Variants in NREP observed in about 807,000 individuals in gnomAD.
NREP encodes the protein neuronal regeneration related protein.
A neutral mutation model predicts 8.6 loss-of-function variants in NREP; 5 were observed. The observed-to-expected ratio is 0.58, with a 90% CI of 0.30 to 1.22. The LOEUF is 1.22. NREP is among the 50% of genes most tolerant of loss of function. The pLI is 0.07. For missense variants in NREP, 86 were observed against 82.5 expected, an observed-to-expected ratio of 1.04 and a Z score of -0.17; for synonymous variants, 27 against 28.0, an observed-to-expected ratio of 0.96 and a Z score of 0.11.
chr5:111,871,704 C>G (rs1282289412), intron 2 of NREP, among the ~76,000 whole-genome samples: 2 of 151,628 alleles, frequency 1.3e-5, no homozygotes, highest in East Asian at 3.9e-4. Context: ...AGCTAAGACA[C>G]AAACCATCTA....
chr5:111,823,920 A>C (rs1402068775), intron 2 of NREP, among the ~76,000 whole-genome samples: 2 of 152,218 alleles, frequency 1.3e-5, no homozygotes, highest in Non-Finnish European at 2.9e-5. Flanking sequence ...GTATTTTACA[A>C]GTTTAGTTTT....
At chr5:111,786,213 C>T (rs1164490973) in intron 2 of NREP, among the ~76,000 whole-genome samples, 1 of 152,328 alleles carries the variant, frequency 6.6e-6, no homozygotes, top group African/African-American at 2.4e-5. Context: ...GCTCTTCCCA[C>T]TTTGTGCCTC....
In NREP at chr5:111,829,625, G is replaced by A. The variant is rs77255322; in HGVS notation, c.136-94118C>T. ...TCCATCAAATTTCTTTCTCTTTCTTGCCTCACAATGGATGCACTCAGAGAT... is the reference window on the plus strand; with the variant it reads ...TCCATCAAATTTCTTTCTCTTTCTTACCTCACAATGGATGCACTCAGAGAT... On this transcript the variant is annotated intron_variant, in intron 2 of 3. Coordinates refer to the NREP transcript ENST00000395634. 8.6e-5 allele frequency among the ~76,000 whole-genome samples: 13 copies of A among 151,894 alleles called. No individual in the cohort carries two copies. The East Asian group carries it at 2.3e-3, about 27-fold the overall frequency.
intron 2 of NREP, among the ~76,000 whole-genome samples, chr5:111,798,598 C>A (rs1237130577): frequency 6.6e-6 from 1 of 152,104 alleles, no homozygotes; most frequent in African/African-American, 2.4e-5. Flanking sequence ...GTTTAGGGCC[C>A]ATATATGAAT....
At chr5:111,855,489 A>G (rs1320100003) in intron 2 of NREP, among the ~76,000 whole-genome samples, 1 of 152,140 alleles carries the variant, frequency 6.6e-6, no homozygotes, top group African/African-American at 2.4e-5. Context: ...CAATGAGTCA[A>G]CATTTTTCCA....
chr5:111,955,136 A>C (rs1375374696), intron 2 of NREP, among the ~76,000 whole-genome samples: 3 of 152,186 alleles, frequency 2.0e-5, no homozygotes. Context: ...TGCCTGACAC[A>C]GAAACAGAAA....
intron 2 of NREP, among the ~76,000 whole-genome samples, chr5:111,907,562 A>G (rs141385791): frequency 2.0e-3 from 307 of 152,162 alleles, no homozygotes; most frequent in African/African-American, 6.6e-3. Flanking sequence ...TGCCAATACC[A>G]TATCATCTTG....
chr5:111,746,721 GA>G, intron 2 of NREP, among the ~76,000 whole-genome samples: 1 of 152,058 alleles, frequency 6.6e-6, no homozygotes, highest in East Asian at 1.9e-4. Context: ...AAGTAGCAAA[GA>G]AAATACTTTT....
At chr5:111,773,987 C>G (rs761766594) in intron 2 of NREP, among the ~76,000 whole-genome samples, 2 of 152,118 alleles carry the variant, frequency 1.3e-5, no homozygotes, top group African/African-American at 2.4e-5. Flanking sequence ...AAAGCATGCT[C>G]GTCCCTAGAG....
In NREP at chr5:111,815,138, G is replaced by C. The variant is rs142478293; in HGVS notation, c.136-79631C>G. Among the ~76,000 whole-genome samples, 166 of 152,250 alleles carry C rather than the reference G, an allele frequency of 1.1e-3. 1 individual carries two copies. Among genetic ancestry groups the C allele is most frequent in the African/African-American group, 3.8e-3 (159 of 41,562 alleles). On this transcript the variant is annotated intron_variant, in intron 2 of 3. Coordinates refer to the NREP transcript ENST00000395634. ...GAAGAAACCTAACAGAAACCGGCTA[G>C]ACTATAGACTTTCACAGTCTTAAAG...
chr5:111,885,800 C>A (rs918250665), intron 2 of NREP, among the ~76,000 whole-genome samples: 49 of 152,078 alleles, frequency 3.2e-4, no homozygotes, highest in African/African-American at 4.1e-4. Flanking sequence ...TCCTTTCCTT[C>A]CACCTTATAC....
chr5:111,941,998 A>G (rs1755841612), intron 2 of NREP, among the ~76,000 whole-genome samples: 1 of 152,016 alleles, frequency 6.6e-6, no homozygotes, highest in African/African-American at 2.4e-5. Context: ...TCAGTACAAC[A>G]TTTTGTAGGA....
At chr5:111,801,744 T>C (rs1391376459) in intron 2 of NREP, among the ~76,000 whole-genome samples, 7 of 152,212 alleles carry the variant, frequency 4.6e-5, no homozygotes, top group African/African-American at 7.2e-5. Context: ...CATTGTACAA[T>C]ACAAAGATGA....
At chr5:111,821,885 C>G (rs948227025) in intron 2 of NREP, among the ~76,000 whole-genome samples, 3 of 151,938 alleles carry the variant, frequency 2.0e-5, no homozygotes, top group Non-Finnish European at 1.5e-5. Flanking sequence ...TATTTTTTTT[C>G]TGGAAGACAA....
intron 2 of NREP, among the ~76,000 whole-genome samples, chr5:111,902,369 T>C (rs1754667959): frequency 6.6e-6 from 1 of 152,142 alleles, no homozygotes. Context: ...GCTGTAATAG[T>C]TGAGCCCAGA....
chr5:111,903,964 A>G (rs1054720713), intron 2 of NREP, among the ~76,000 whole-genome samples: 1 of 152,162 alleles, frequency 6.6e-6, no homozygotes, highest in African/African-American at 2.4e-5. Flanking sequence ...TTAGTCTACC[A>G]ATTAATGAAA....
chr5:111,747,888 T>G (rs1750106479), intron 2 of NREP, among the ~76,000 whole-genome samples: 1 of 152,200 alleles, frequency 6.6e-6, no homozygotes, highest in Non-Finnish European at 1.5e-5. Context: ...AAGCTTAGAT[T>G]AGAAACCATT....
At chr5:111,808,585 T>C (rs983011431) in intron 2 of NREP, among the ~76,000 whole-genome samples, 6 of 152,238 alleles carry the variant, frequency 3.9e-5, no homozygotes, top group African/African-American at 1.2e-4. Flanking sequence ...CAAACTATTC[T>C]TTGTCCTGGA....
chr5:111,859,536 G>A (rs1043244694), intron 2 of NREP, among the ~76,000 whole-genome samples: 1 of 152,108 alleles, frequency 6.6e-6, no homozygotes, highest in East Asian at 1.9e-4. Flanking sequence ...AAGCTTGTTA[G>A]AGGCCATGAG....
Sources: allele counts gnomAD v4.1 joint callset (sites outside exome capture counted in the v4.1 genomes callset), GRCh38; gene constraint gnomAD v4.1.1; transcripts MANE v1.5; gene names NCBI Gene and HGNC (gene_info 2026-07-23, HGNC 2026-07-21).